CSMD3: variants seen among roughly 807,000 people sequenced by gnomAD.
CSMD3 encodes CUB and Sushi multiple domains 3, also known as CUB and sushi domain-containing protein 3.
CSMD3 carries 177 observed loss-of-function variants against 435.2 expected under a neutral mutation model. The ratio of observed to expected loss-of-function variants is 0.41; its 90% CI spans 0.36 to 0.46. CSMD3 has a LOEUF of 0.46. CSMD3 is among the 20% of genes least tolerant of loss of function. The pLI, the probability that CSMD3 is intolerant of heterozygous loss-of-function variation, is 0.34. For synonymous variants in CSMD3, 1,656 were observed against 1,520.5 expected (o/e 1.09, Z -2.07); for missense variants, 4,265 against 4,504.6 (o/e 0.95, Z 1.52).
In CSMD3 at chr8:112,556,740, G is replaced by A. The variant is rs778347136; in HGVS notation, c.4234+23C>T. The A allele has an allele frequency of 1.8e-5, 28 of 1,571,156 alleles. No homozygotes were observed. The East Asian group carries it at 5.4e-4, about 30-fold the overall frequency. ...TAAAGTTTTCACAGAAATATTCAAT[G>A]AAAATCTATGACAGTATCCTACCAA... On this transcript the variant is annotated intron_variant, in intron 25 of 70. Transcript: ENST00000297405.
At chr8:113,282,847 G>A (rs572237129) in intron 2 of CSMD3, among the ~76,000 whole-genome samples, 14 of 152,098 alleles carry the variant, frequency 9.2e-5, no homozygotes, top group East Asian at 1.9e-4. Context: ...CTATAAGGCC[G>A]TAGTCACCAA....
At chr8:112,741,796 G>GATAGATAGATAT (rs2077315020) in intron 13 of CSMD3, among the ~76,000 whole-genome samples, 1 of 61,584 alleles carries the variant, frequency 1.6e-5, no homozygotes, top group Non-Finnish European at 5.6e-5. Flanking sequence ...ATAGAGAGAA[G>GATAGATAGATAT]ATAGATAGAT....
At chr8:113,395,591 C>G (rs991693167) in intron 1 of CSMD3, among the ~76,000 whole-genome samples, 1 of 133,678 alleles carries the variant, frequency 7.5e-6, no homozygotes, top group Non-Finnish European at 1.5e-5. Flanking sequence ...CCTGGGTAAC[C>G]GAGTGAGACT....
At chr8:112,877,175 A>T (rs2511536) in intron 10 of CSMD3, among the ~76,000 whole-genome samples, 2 of 151,976 alleles carry the variant, frequency 1.3e-5, no homozygotes, top group Admixed American at 1.3e-4. Context: ...TGAAAATGGC[A>T]ATACTGCCCA....
Position 112,244,492 on chromosome 8 carries a change from A to G in CSMD3, c.10304T>C (p.Ile3435Thr), listed in dbSNP as rs764862192. 1.2e-6 allele frequency: 2 copies of G among 1,613,804 alleles called. No individual in the cohort carries two copies. Among genetic ancestry groups the G allele is most frequent in the African/African-American group, 2.7e-5 (2 of 74,918 alleles). Residue 3435 changes from isoleucine to threonine, a missense_variant, in exon 65 of 71, where the codon ATT becomes ACT. Transcript: ENST00000297405. ...GAAGAAGCCAGGCTGACAGGTATAA[A>G]TCAGTGTATACCCATGAGATGGAAG... ...MDLPSHGYTL[I>T]YTCQPGFFLA...
chr8:112,501,489 A>T (rs1755524915), intron 30 of CSMD3, among the ~76,000 whole-genome samples: 1 of 152,136 alleles, frequency 6.6e-6, no homozygotes, highest in African/African-American at 2.4e-5. Flanking sequence ...TAAAAATGAC[A>T]ATGAGATATC....
At chr8:112,376,446 C>A (rs911217099) in intron 38 of CSMD3, among the ~76,000 whole-genome samples, 3 of 151,962 alleles carry the variant, frequency 2.0e-5, no homozygotes, top group African/African-American at 7.3e-5. Context: ...ATTATAGAAC[C>A]AAAACAAGTA....
intron 13 of CSMD3, among the ~76,000 whole-genome samples, chr8:112,745,989 T>G (rs1044004844): frequency 6.6e-6 from 1 of 152,176 alleles, no homozygotes; most frequent in Non-Finnish European, 1.5e-5. Flanking sequence ...GGCAGTGTTA[T>G]GATCAAACGG....
At chr8:112,987,215 C>T (rs2085288283) in intron 6 of CSMD3, among the ~76,000 whole-genome samples, 1 of 151,984 alleles carries the variant, frequency 6.6e-6, no homozygotes, top group Admixed American at 6.6e-5. Flanking sequence ...GATAATTTTG[C>T]TGTATTCTAA....
At chr8:113,344,952 C>T (rs1162631143) in intron 1 of CSMD3, among the ~76,000 whole-genome samples, 1 of 151,998 alleles carries the variant, frequency 6.6e-6, no homozygotes, top group Non-Finnish European at 1.5e-5. Flanking sequence ...CCTGCTTTTG[C>T]TGTGTTGTAG....
At chr8:112,846,945 G>A (rs545436673) in intron 11 of CSMD3, among the ~76,000 whole-genome samples, 1 of 152,182 alleles carries the variant, frequency 6.6e-6, no homozygotes, top group Non-Finnish European at 1.5e-5. Flanking sequence ...CCAAGCCTGG[G>A]TGTTCTATAA....
intron 10 of CSMD3, among the ~76,000 whole-genome samples, chr8:112,916,563 C>T (rs2082578242): frequency 6.6e-6 from 1 of 151,886 alleles, no homozygotes; most frequent in South Asian, 2.1e-4. Flanking sequence ...TTGCTAATAT[C>T]ATCCTTATTA....
chr8:112,282,389 A>G (rs1372856723), intron 58 of CSMD3, among the ~76,000 whole-genome samples: 3 of 152,042 alleles, frequency 2.0e-5, no homozygotes, highest in Non-Finnish European at 4.4e-5. Flanking sequence ...GTTAAGCATG[A>G]TTACTTTCTT....
In CSMD3 at chr8:112,352,441, TGAAAG is replaced by T; in HGVS notation, c.6225_6229del (p.Phe2076ValfsTer2). 1 of 1,613,580 alleles carries T rather than the reference TGAAAG, an allele frequency of 6.2e-7. No individual in the cohort carries two copies. Among genetic ancestry groups the T allele is most frequent in the Non-Finnish European group, 8.5e-7 (1 of 1,179,696 alleles). On this transcript the variant is annotated frameshift_variant, in exon 39 of 71. Transcript: ENST00000297405. LOFTEE classifies it high-confidence loss of function. Reference sequence around the variant, plus strand: ...CTGAAGAGAATATCCTTGATCACACTGAAAGGATACTACATCTCCAACCATATATC... The same window carrying T: ...CTGAAGAGAATATCCTTGATCACACTGATACTACATCTCCAACCATATATC...
intron 12 of CSMD3, among the ~76,000 whole-genome samples, chr8:112,815,104 AAG>A (rs1269977732): frequency 6.6e-6 from 1 of 152,146 alleles, no homozygotes; most frequent in Non-Finnish European, 1.5e-5. Context: ...TAAAAAAAAA[AAG>A]AAAAAACCCT....
intron 27 of CSMD3, among the ~76,000 whole-genome samples, chr8:112,535,432 G>A (rs1481893714): frequency 4.6e-5 from 7 of 151,174 alleles, no homozygotes; most frequent in Non-Finnish European, 8.9e-5. Context: ...TTGCTTCAAA[G>A]AGAATAAAAT....
chr8:112,672,481 A>G (rs2075681047), intron 16 of CSMD3, among the ~76,000 whole-genome samples: 1 of 152,054 alleles, frequency 6.6e-6, no homozygotes, highest in Non-Finnish European at 1.5e-5. Context: ...ATGGGACCCA[A>G]AAATCTGCAT....
At chr8:112,492,706 C>G (rs2130855077) in intron 30 of CSMD3, 23 bp from the exon 31 acceptor site, 1 of 1,596,100 alleles carries the variant, frequency 6.3e-7, no homozygotes, top group South Asian at 1.1e-5. Context: ...GTTAGTATAA[C>G]ATTAATTGCT....
intron 5 of CSMD3, among the ~76,000 whole-genome samples, chr8:113,077,256 C>T (rs925700714): frequency 6.6e-6 from 1 of 151,740 alleles, no homozygotes; most frequent in African/African-American, 2.4e-5. Flanking sequence ...TACCGGATCT[C>T]TGGATGATTT....
Sources: gnomAD v4.1 joint callset for allele counts (sites outside exome capture counted in the v4.1 genomes callset) on GRCh38, gnomAD v4.1.1 for gene constraint, MANE v1.5 for transcripts, NCBI Gene and HGNC (gene_info 2026-07-23, HGNC 2026-07-21) for gene names.